Variants in ANKRD44 observed in about 807,000 individuals in gnomAD.
ANKRD44 encodes the protein serine/threonine-protein phosphatase 6 regulatory ankyrin repeat subunit B.
In ANKRD44, 35 loss-of-function variants were observed where a neutral mutation model predicts 116.0. That is an observed-to-expected ratio of 0.30 (90% CI 0.23 to 0.40). The LOEUF (loss-of-function observed/expected upper bound fraction) is 0.40. ANKRD44 is among the 10% of genes least tolerant of loss of function. ANKRD44 has a pLI of 1.00. For missense variants in ANKRD44, 1,014 were observed against 1,242.6 expected, an observed-to-expected ratio of 0.82 and a Z score of 2.77; for synonymous variants, 435 against 461.8, an observed-to-expected ratio of 0.94 and a Z score of 0.74.
intron 10 of ANKRD44, among the ~76,000 whole-genome samples, chr2:197,095,002 G>A (rs1003471521): frequency 1.3e-5 from 2 of 152,112 alleles, no homozygotes; most frequent in African/African-American, 4.8e-5. Context: ...CTGCCCCCAG[G>A]CCTTTGCACA....
At chr2:197,197,400 C>T (rs1229190737) in intron 1 of ANKRD44, among the ~76,000 whole-genome samples, 1 of 152,190 alleles carries the variant, frequency 6.6e-6, no homozygotes, top group Non-Finnish European at 1.5e-5. Flanking sequence ...CACACTACCC[C>T]CTCCAACAGG....
intron 8 of ANKRD44, among the ~76,000 whole-genome samples, chr2:197,114,009 A>C (rs776288819): frequency 6.6e-6 from 1 of 152,228 alleles, no homozygotes; most frequent in Non-Finnish European, 1.5e-5. Flanking sequence ...TCATTATTTC[A>C]AAAAGCTATA....
intron 9 of ANKRD44, among the ~76,000 whole-genome samples, chr2:197,102,951 G>T (rs542932576): frequency 2.0e-5 from 3 of 151,888 alleles, no homozygotes; most frequent in Admixed American, 6.6e-5. Context: ...GGGGGGTGGC[G>T]GGGCGTGGTG....
intron 16 of ANKRD44, among the ~76,000 whole-genome samples, chr2:197,062,445 G>A (rs915991190): frequency 1.1e-4 from 17 of 152,182 alleles, no homozygotes; most frequent in Non-Finnish European, 1.9e-4. Flanking sequence ...GACAACATCC[G>A]ATCTTTATTC....
At chr2:197,027,500 C>A (rs2076619608) in intron 16 of ANKRD44, among the ~76,000 whole-genome samples, 1 of 151,750 alleles carries the variant, frequency 6.6e-6, no homozygotes, top group South Asian at 2.1e-4. Flanking sequence ...CCTGGGGCAC[C>A]CACCACTAAA....
chr2:197,277,256 A>G (rs2083119242), intron 1 of ANKRD44, among the ~76,000 whole-genome samples: 1 of 152,098 alleles, frequency 6.6e-6, no homozygotes, highest in African/African-American at 2.4e-5. Flanking sequence ...CCACAAGTAT[A>G]GAGGACACGG....
rs1386714764 is a variant in ANKRD44 at position 197,007,821 on chromosome 2, T to A, written c.2115A>T (p.Thr705=). Residue 705 remains threonine (T), a synonymous_variant, in exon 20 of 28, where the codon ACA becomes ACT. Coordinates refer to ENST00000282272, the MANE Select transcript of ANKRD44 (RefSeq NM_001195144.2). ...ATGTACATACCCCTCTGTGTAAAGC[T>A]GTGCATCCTAGGATGTCAACAGTGT... The part of the protein sequence containing the change: ...NVDTVDILGC[T]ALHRGIMTGH... 1 of 1,612,622 alleles carries A rather than the reference T, an allele frequency of 6.2e-7. No homozygotes were observed. The highest frequency in any genetic ancestry group is 1.7e-5 in the Admixed American group (1 of 60,014).
At chr2:197,121,003 C>G (rs1159058549) in intron 8 of ANKRD44, among the ~76,000 whole-genome samples, 7 of 150,932 alleles carry the variant, frequency 4.6e-5, no homozygotes, top group Admixed American at 4.6e-4. Flanking sequence ...AATCTCAGCT[C>G]ACTGCAACCT....
intron 16 of ANKRD44, among the ~76,000 whole-genome samples, chr2:197,025,887 G>T (rs2124839017): frequency 6.6e-6 from 1 of 152,260 alleles, no homozygotes; most frequent in Non-Finnish European, 1.5e-5. Flanking sequence ...GACAAACATG[G>T]TAAGATCAAG....
intron 16 of ANKRD44, among the ~76,000 whole-genome samples, chr2:197,046,899 A>C (rs945616082): frequency 2.6e-5 from 4 of 152,254 alleles, no homozygotes; most frequent in African/African-American, 9.6e-5. Context: ...ACTTGTGAGA[A>C]AGAAACGAAT....
downstream of ANKRD44, among the ~76,000 whole-genome samples, chr2:196,982,535 C>G (rs1308358088): frequency 2.0e-5 from 3 of 152,144 alleles, no homozygotes; most frequent in African/African-American, 7.2e-5. Context: ...TTTCACATGT[C>G]TACAATTTCA....
At position 197,000,464 on chromosome 2, in the gene ANKRD44, C is replaced by A. The variant is rs1253530646; in HGVS notation, c.2474G>T (p.Gly825Val). ...DHGNCASLLL[G>V]AIDSSIVSCR... The stretch of plus-strand genomic sequence containing the variant: ...ACTGACGATACTGGAATCTATGGCC[C>A]CAAGCAGCAATGATGCACAATTCCC... Residue 825 changes from glycine to valine, a missense_variant, in exon 23 of 28, where the codon GGG becomes GTG. Physicochemically the swap from Gly to Val is moderately radical, Grantham distance 109. Transcript: ENST00000282272. 2 of 1,613,988 alleles carry A rather than the reference C, an allele frequency of 1.2e-6. No individual in the cohort carries two copies. Among genetic ancestry groups the A allele is most frequent in the Non-Finnish European group, 1.7e-6 (2 of 1,179,972 alleles).
chr2:197,041,112 T>C (rs973244708), intron 16 of ANKRD44, among the ~76,000 whole-genome samples: 1 of 152,148 alleles, frequency 6.6e-6, no homozygotes, highest in Non-Finnish European at 1.5e-5. Context: ...CATAAAAACA[T>C]TGAGAGAATT....
At chr2:197,288,898 G>A (rs549012752) in intron 1 of ANKRD44, among the ~76,000 whole-genome samples, 3 of 152,280 alleles carry the variant, frequency 2.0e-5, no homozygotes, top group Admixed American at 1.3e-4. Flanking sequence ...AGGCTGAGAA[G>A]GATAAGTGGG....
rs1200074602 is a variant in ANKRD44 at position 197,080,030 on chromosome 2, T to C, written c.1539-1216A>G. On this transcript the variant is annotated intron_variant, in intron 15 of 27. Transcript: ENST00000282272. ...ACCTTATAAGGAAGGAAGTTCTTTT[T>C]TATTTTGGTAATTAAATGCCCATGG... 2.0e-5 allele frequency among the ~76,000 whole-genome samples: 3 copies of C among 152,344 alleles called. No homozygotes were observed. In the East Asian group the frequency reaches 5.8e-4, roughly 29 times the overall value.
At chr2:197,298,872 G>A (rs984237563) in intron 1 of ANKRD44, among the ~76,000 whole-genome samples, 1 of 151,526 alleles carries the variant, frequency 6.6e-6, no homozygotes, top group African/African-American at 2.4e-5. Flanking sequence ...AGCTGTGATC[G>A]CACCATTACA....
intron 1 of ANKRD44, among the ~76,000 whole-genome samples, chr2:197,233,696 A>C (rs574310643): frequency 6.6e-6 from 1 of 152,216 alleles, no homozygotes; most frequent in South Asian, 2.1e-4. Context: ...CAATAGCTCA[A>C]GTTTAACCTC....
At chr2:197,290,904 T>G (rs2083548635) in intron 1 of ANKRD44, among the ~76,000 whole-genome samples, 1 of 151,836 alleles carries the variant, frequency 6.6e-6, no homozygotes, top group Non-Finnish European at 1.5e-5. Flanking sequence ...CCTCTGCAGT[T>G]TTTTTTTAAT....
chr2:197,219,738 AT>A (rs1397006884), intron 1 of ANKRD44, among the ~76,000 whole-genome samples: 45 of 150,712 alleles, frequency 3.0e-4, no homozygotes, highest in Admixed American at 4.6e-4. Context: ...TAAATCACTG[AT>A]TTTTTTTTTA....
Sources: allele counts gnomAD v4.1 joint callset (sites outside exome capture counted in the v4.1 genomes callset), GRCh38; gene constraint gnomAD v4.1.1; transcripts MANE v1.5; gene names NCBI Gene and HGNC (gene_info 2026-07-23, HGNC 2026-07-21).